SEMA3C: variants seen among roughly 807,000 people sequenced by gnomAD.
The protein encoded by SEMA3C is semaphorin 3C.
A neutral mutation model predicts 89.4 loss-of-function variants in SEMA3C; 47 were observed. That is an observed-to-expected ratio of 0.53 (90% CI 0.42 to 0.67). The LOEUF is 0.67. Among genes scored for constraint, SEMA3C ranks in the 30% least tolerant of loss-of-function variants. SEMA3C has a pLI of 0.00. For synonymous variants in SEMA3C, 310 were observed against 320.2 expected (o/e 0.97, Z 0.34); for missense variants, 839 against 929.1 (o/e 0.90, Z 1.26).
chr7:80,790,089 C>T (rs1788900933), intron 11 of SEMA3C, among the ~76,000 whole-genome samples: 1 of 151,978 alleles, frequency 6.6e-6, no homozygotes, highest in Non-Finnish European at 1.5e-5. Context: ...TCAAGACCAG[C>T]CTGGGCAACA....
At chr7:80,843,380 G>GT (rs200853989) in intron 2 of SEMA3C, among the ~76,000 whole-genome samples, 108 of 151,706 alleles carry the variant, frequency 7.1e-4, no homozygotes, top group Non-Finnish European at 1.2e-3. Flanking sequence ...TCTTTGTGTT[G>GT]TTTTTTTTAG....
chr7:80,862,840 G>A (rs1207621538), intron 2 of SEMA3C, among the ~76,000 whole-genome samples: 2 of 152,074 alleles, frequency 1.3e-5, no homozygotes, highest in African/African-American at 4.8e-5. Context: ...CATAAAGTGG[G>A]GAAAGGACAT....
intron 3 of SEMA3C, 55 bp downstream of exon 3, chr7:80,828,530 T>TA (rs1209157609): frequency 7.1e-7 from 1 of 1,407,480 alleles, no homozygotes; most frequent in Non-Finnish European, 9.6e-7. Flanking sequence ...TTATTTTTTT[T>TA]AAAAAAGAGA....
At chr7:80,749,376 C>A (rs1787874212) in intron 16 of SEMA3C, among the ~76,000 whole-genome samples, 1 of 152,148 alleles carries the variant, frequency 6.6e-6, no homozygotes, top group South Asian at 2.1e-4. Flanking sequence ...CACAGCTGAG[C>A]AAACTGAGGC....
intron 2 of SEMA3C, among the ~76,000 whole-genome samples, chr7:80,911,445 G>T (rs1792146338): frequency 6.6e-6 from 1 of 152,002 alleles, no homozygotes; most frequent in Non-Finnish European, 1.5e-5. Flanking sequence ...GCAAATAAAG[G>T]CTAAGTAACA....
At chr7:80,747,040 T>C (rs779059839) in intron 17 of SEMA3C, among the ~76,000 whole-genome samples, 14 of 151,962 alleles carry the variant, frequency 9.2e-5, no homozygotes, top group Non-Finnish European at 1.0e-4. Context: ...TTTCTTAAAA[T>C]AGAAAGGATC....
intron 12 of SEMA3C, among the ~76,000 whole-genome samples, chr7:80,777,380 C>T (rs1788575059): frequency 6.6e-6 from 1 of 152,090 alleles, no homozygotes; most frequent in African/African-American, 2.4e-5. Flanking sequence ...CAACCTCTAC[C>T]TCCCGGGTTC....
At chr7:80,920,516 A>T (rs943240116), upstream of SEMA3C, among the ~76,000 whole-genome samples, 1 of 152,186 alleles carries the variant, frequency 6.6e-6, no homozygotes, top group Middle Eastern at 3.2e-3. Flanking sequence ...CACATCTTTC[A>T]TGTGTCTGGG....
In SEMA3C at chr7:80,757,650, G is replaced by A. The variant is rs371750763; in HGVS notation, c.1643+681C>T. On this transcript the variant is annotated intron_variant, in intron 15 of 17. Coordinates refer to ENST00000265361, the MANE Select transcript of SEMA3C (RefSeq NM_006379.5). The stretch of plus-strand genomic sequence containing the variant: ...ATGTAGAGAAATCCTAGGAAGGTGG[G>A]TTTTAAGGCTACACTAAAGCATATA... Among the ~76,000 whole-genome samples, 5 of 152,212 alleles carry A rather than the reference G, an allele frequency of 3.3e-5. No individual in the cohort carries two copies. In the East Asian group the frequency reaches 5.8e-4, roughly 18 times the overall value.
chr7:80,878,903 GGAAAT>G (rs1009708863), intron 2 of SEMA3C, among the ~76,000 whole-genome samples: 9 of 152,058 alleles, frequency 5.9e-5, no homozygotes, highest in African/African-American at 1.9e-4. Flanking sequence ...TATAGAGGTA[GGAAAT>G]GATGTGAAAG....
chr7:80,913,028 A>G (rs534214223), intron 2 of SEMA3C, among the ~76,000 whole-genome samples: 2 of 152,210 alleles, frequency 1.3e-5, no homozygotes, highest in Non-Finnish European at 2.9e-5. Flanking sequence ...TTTACATACT[A>G]TCAAAGACCT....
chr7:80,796,708 C>T (rs922063337), intron 11 of SEMA3C: 5 of 152,072 alleles, frequency 3.3e-5, no homozygotes, highest in African/African-American at 1.2e-4. Flanking sequence ...TTAAGAATGA[C>T]CTAAAAATTT....
intron 6 of SEMA3C, among the ~76,000 whole-genome samples, chr7:80,810,028 G>T (rs1035454056): frequency 1.3e-5 from 2 of 152,080 alleles, no homozygotes; most frequent in Non-Finnish European, 2.9e-5. Context: ...ACTGCACAGT[G>T]ACCATGGTGA....
chr7:80,827,398 T>C, intron 4 of SEMA3C, 27 bp downstream of exon 4: 1 of 1,399,748 alleles, frequency 7.1e-7, no homozygotes, highest in Non-Finnish European at 9.3e-7. Flanking sequence ...TAGTGTTTTT[T>C]TTTTTTTTTT....
At chr7:80,750,157 T>A (rs1346660037) in intron 16 of SEMA3C, among the ~76,000 whole-genome samples, 3 of 151,942 alleles carry the variant, frequency 2.0e-5, no homozygotes, top group Non-Finnish European at 4.4e-5. Flanking sequence ...ACAGCACACC[T>A]GTAGCACCTT....
At chr7:80,785,194 C>G (rs1788774545) in intron 12 of SEMA3C, among the ~76,000 whole-genome samples, 1 of 152,230 alleles carries the variant, frequency 6.6e-6, no homozygotes, top group Non-Finnish European at 1.5e-5. Flanking sequence ...TAACAGTTAC[C>G]AGGCACGGAG....
intron 2 of SEMA3C, among the ~76,000 whole-genome samples, chr7:80,900,207 G>A (rs544794429): frequency 2.2e-4 from 34 of 151,904 alleles, no homozygotes; most frequent in African/African-American, 7.7e-4. Flanking sequence ...TCCACCTCCC[G>A]GGTTCACGCC....
intron 12 of SEMA3C, among the ~76,000 whole-genome samples, chr7:80,784,312 A>G (rs1027333126): frequency 1.3e-5 from 2 of 151,618 alleles, no homozygotes; most frequent in African/African-American, 4.8e-5. Flanking sequence ...AAACACCTAG[A>G]GCCCTAATGC....
In SEMA3C at chr7:80,766,624, CTTTG is replaced by C. The variant is rs3044775; in HGVS notation, c.1355-1385_1355-1382del. On this transcript the variant is annotated intron_variant, in intron 12 of 17. Coordinates refer to ENST00000265361, the MANE Select transcript of SEMA3C (RefSeq NM_006379.5). ...AATAAAACCCTTCATTCCTTCCTTG[CTTTG>C]TTTGTGTGTTTTGTCCAATTCTTTC... Among the ~76,000 whole-genome samples the C allele has an allele frequency of 0.024, 3,648 of 150,990 alleles. 268 individuals are homozygous for C. In the East Asian group the frequency reaches 0.29, roughly 12 times the overall value.
Sources: gnomAD v4.1 joint callset for allele counts (sites outside exome capture counted in the v4.1 genomes callset) on GRCh38, gnomAD v4.1.1 for gene constraint, MANE v1.5 for transcripts, NCBI Gene and HGNC (gene_info 2026-07-23, HGNC 2026-07-21) for gene names.